FIGN: variants seen among roughly 807,000 people sequenced by gnomAD.
FIGN encodes the protein fidgetin.
FIGN carries 11 observed loss-of-function variants against 51.3 expected under a neutral mutation model. The observed-to-expected ratio is 0.21, with a 90% CI of 0.13 to 0.35. FIGN has a LOEUF of 0.35. Among genes scored for constraint, FIGN ranks in the 10% least tolerant of loss-of-function variants. FIGN has a pLI of 1.00. For missense variants in FIGN, 857 were observed against 943.6 expected (o/e 0.91, Z 1.20); for synonymous variants, 407 against 363.2 (o/e 1.12, Z -1.37).
At chr2:163,626,876 T>C (rs1021922407) in intron 2 of FIGN, among the ~76,000 whole-genome samples, 1 of 152,150 alleles carries the variant, frequency 6.6e-6, no homozygotes, top group Admixed American at 6.5e-5. Context: ...CTGCTCATTC[T>C]ACGCTAATTA....
At chr2:163,641,071 C>G (rs572602383) in intron 2 of FIGN, among the ~76,000 whole-genome samples, 1 of 152,158 alleles carries the variant, frequency 6.6e-6, no homozygotes, top group Non-Finnish European at 1.5e-5. Context: ...AAACGTGCTA[C>G]GCTGGGCTTT....
In FIGN at chr2:163,735,878, T is replaced by C. The variant is rs1282321546; in HGVS notation, c.-186A>G. On this transcript the variant is annotated 5_prime_UTR_variant, in exon 1 of 3. The change abolishes an upstream ATG in the 5' untranslated region. Transcript: ENST00000333129. ...GAGAACCCGATAGGTTAGCGTAGCATCGATCCGATGTGTTTGCTGATGAAT... is the reference window on the plus strand; with the variant it reads ...GAGAACCCGATAGGTTAGCGTAGCACCGATCCGATGTGTTTGCTGATGAAT... 6.5e-6 allele frequency: 1 copy of C among 152,678 alleles called. No homozygotes were observed. Among genetic ancestry groups the C allele is most frequent in the Non-Finnish European group, 1.5e-5 (1 of 68,054 alleles). 9.5% of individuals were successfully genotyped at this position (152,678 alleles called of 1,614,324 possible).
intron 2 of FIGN, among the ~76,000 whole-genome samples, chr2:163,626,270 A>G (rs191159539): frequency 7.2e-5 from 11 of 152,302 alleles, no homozygotes; most frequent in Admixed American, 2.0e-4. Context: ...ATAAATTTGT[A>G]TTAAGAATCA....
rs778925406 is a variant in FIGN at position 163,610,857 on chromosome 2, C to T, written c.975G>A (p.Gly325=). ...CATAACTGGAGTCCATATCTCCTTG[C>T]CCTGCCATGTAGAAAGCTTTCCTTT... ...SLKRKAFYMA[G]QGDMDSSYGN... Residue 325 remains glycine, a synonymous_variant, in exon 3 of 3, where the codon GGG becomes GGA. Transcript: ENST00000333129. 13 of 1,613,894 alleles carry T rather than the reference C, an allele frequency of 8.1e-6. No individual in the cohort carries two copies. The highest frequency in any genetic ancestry group is 1.0e-5 in the Non-Finnish European group (12 of 1,179,982).
chr2:163,630,687 A>G (rs1212824466), intron 2 of FIGN, among the ~76,000 whole-genome samples: 2 of 151,158 alleles, frequency 1.3e-5, no homozygotes, highest in South Asian at 2.1e-4. Flanking sequence ...GGGGGGGGGA[A>G]TGATGATTGT....
intron 2 of FIGN, among the ~76,000 whole-genome samples, chr2:163,719,042 T>A (rs1684713983): frequency 1.3e-5 from 2 of 152,142 alleles, no homozygotes; most frequent in Admixed American, 6.5e-5. Flanking sequence ...GTACATATAC[T>A]CAATCTAATT....
At chr2:163,689,173 A>AACACACACACAC (rs58519537) in intron 2 of FIGN, among the ~76,000 whole-genome samples, 13,454 of 144,192 alleles carry the variant, frequency 0.093, 1,063 homozygotes, top group African/African-American at 0.22. Context: ...AACAAAAATG[A>AACACACACACAC]ACACACACAC....
intron 2 of FIGN, among the ~76,000 whole-genome samples, chr2:163,711,231 G>C (rs1051775179): frequency 6.6e-6 from 1 of 152,000 alleles, no homozygotes. Context: ...TTGCATCAAA[G>C]TACAAAATCA....
chr2:163,681,911 C>T (rs940961515), intron 2 of FIGN, among the ~76,000 whole-genome samples: 3 of 152,178 alleles, frequency 2.0e-5, no homozygotes, highest in Admixed American at 2.0e-4. Context: ...CTCACTAGTC[C>T]AGCCAGGAAA....
intron 2 of FIGN, among the ~76,000 whole-genome samples, chr2:163,729,071 A>G (rs536245558): frequency 2.0e-5 from 3 of 152,206 alleles, no homozygotes; most frequent in Non-Finnish European, 4.4e-5. Context: ...TAATGCATGA[A>G]AGTAGAGTTT....
At chr2:163,667,128 T>G (rs1683792380) in intron 2 of FIGN, among the ~76,000 whole-genome samples, 1 of 152,088 alleles carries the variant, frequency 6.6e-6, no homozygotes, top group African/African-American at 2.4e-5. Context: ...TATCAGTCCC[T>G]CTCATTCATC....
intron 2 of FIGN, among the ~76,000 whole-genome samples, chr2:163,686,018 A>C (rs1684143000): frequency 6.6e-6 from 1 of 152,236 alleles, no homozygotes. Context: ...TCAAATTTGG[A>C]CTTCGTCAAT....
chr2:163,702,311 G>A (rs997181149), intron 2 of FIGN, among the ~76,000 whole-genome samples: 4 of 152,142 alleles, frequency 2.6e-5, no homozygotes, highest in Non-Finnish European at 4.4e-5. Flanking sequence ...CAGCTGATAA[G>A]ATATAAAGAA....
At chr2:163,643,584 G>C (rs1240368444) in intron 2 of FIGN, among the ~76,000 whole-genome samples, 1 of 151,448 alleles carries the variant, frequency 6.6e-6, no homozygotes, top group Non-Finnish European at 1.5e-5. Flanking sequence ...CTGGGAGATG[G>C]AGTGGGTAGT....
intron 2 of FIGN, among the ~76,000 whole-genome samples, chr2:163,700,826 G>A (rs573529518): frequency 2.0e-5 from 3 of 152,072 alleles, no homozygotes; most frequent in East Asian, 1.9e-4. Flanking sequence ...ACTGAAACAG[G>A]GCCCAGGGCC....
intron 2 of FIGN, among the ~76,000 whole-genome samples, chr2:163,635,123 T>C (rs1683206004): frequency 6.6e-6 from 1 of 152,234 alleles, no homozygotes; most frequent in Admixed American, 6.5e-5. Context: ...ATTTCAAGTG[T>C]ACTTGATAAT....
intron 2 of FIGN, among the ~76,000 whole-genome samples, chr2:163,698,755 T>G (rs1184192235): frequency 6.6e-6 from 1 of 152,140 alleles, no homozygotes; most frequent in Non-Finnish European, 1.5e-5. Context: ...CATTCTACCT[T>G]TCAATCGCTT....
chr2:163,688,344 A>G (rs759239191), intron 2 of FIGN, among the ~76,000 whole-genome samples: 18 of 152,236 alleles, frequency 1.2e-4, no homozygotes, highest in Non-Finnish European at 2.2e-4. Flanking sequence ...AAATGAAGAC[A>G]TAATCTAATT....
At chr2:163,702,723 T>C (rs1236219027) in intron 2 of FIGN, among the ~76,000 whole-genome samples, 1 of 152,178 alleles carries the variant, frequency 6.6e-6, no homozygotes, top group East Asian at 1.9e-4. Context: ...ATTTAGCGAT[T>C]CACTATTTAG....
Sources: gnomAD v4.1 joint callset for allele counts (sites outside exome capture counted in the v4.1 genomes callset) on GRCh38, gnomAD v4.1.1 for gene constraint, MANE v1.5 for transcripts, NCBI Gene and HGNC (gene_info 2026-07-23, HGNC 2026-07-21) for gene names.